HCN1: variants seen among roughly 807,000 people sequenced by gnomAD.
HCN1 encodes the protein potassium/sodium hyperpolarization-activated cyclic nucleotide-gated channel 1.
HCN1 carries 13 observed loss-of-function variants against 78.9 expected under a neutral mutation model. That is an observed-to-expected ratio of 0.16 (90% CI 0.11 to 0.26). The LOEUF is 0.26. Among genes scored for constraint, HCN1 ranks in the 10% least tolerant of loss-of-function variants. The pLI, the probability that HCN1 is intolerant of heterozygous loss-of-function variation, is 1.00. For missense variants in HCN1, 810 were observed against 1,154.3 expected (o/e 0.70, Z 4.32); for synonymous variants, 552 against 455.5 (o/e 1.21, Z -2.70).
At chr5:45,495,876 T>C (rs1278684162) in intron 2 of HCN1, among the ~76,000 whole-genome samples, 1 of 152,250 alleles carries the variant, frequency 6.6e-6, no homozygotes, top group Non-Finnish European at 1.5e-5. Flanking sequence ...TTTTGGTCTT[T>C]GGTTCTGTTT....
At chr5:45,265,530 A>G (rs1177175241) in intron 7 of HCN1, among the ~76,000 whole-genome samples, 3 of 152,224 alleles carry the variant, frequency 2.0e-5, no homozygotes, top group African/African-American at 7.2e-5. Flanking sequence ...ATGTCCAAAT[A>G]CTGCCTTTAC....
intron 2 of HCN1, chr5:45,643,773 A>T (rs1026537916): frequency 9.2e-5 from 14 of 152,300 alleles, no homozygotes; most frequent in African/African-American, 2.4e-4. Context: ...AATCAAACAT[A>T]CTAGCTGACG....
intron 6 of HCN1, among the ~76,000 whole-genome samples, chr5:45,292,777 T>C (rs1409789711): frequency 6.6e-6 from 1 of 151,944 alleles, no homozygotes; most frequent in Non-Finnish European, 1.5e-5. Context: ...TTAAGAGCAG[T>C]GACAAAGAAA....
chr5:45,573,213 C>T (rs373402009), intron 2 of HCN1, among the ~76,000 whole-genome samples: 13 of 152,176 alleles, frequency 8.5e-5, no homozygotes, highest in South Asian at 8.3e-4. Flanking sequence ...TCATTTTCTT[C>T]GAAATCTATT....
chr5:45,383,056 ATAAT>A (rs1253865525), intron 4 of HCN1, among the ~76,000 whole-genome samples: 1 of 152,168 alleles, frequency 6.6e-6, no homozygotes, highest in Admixed American at 6.6e-5. Flanking sequence ...TTGAGTAAAA[ATAAT>A]TAACTACTAT....
intron 6 of HCN1, among the ~76,000 whole-genome samples, chr5:45,296,486 T>C (rs1286305436): frequency 6.6e-6 from 1 of 151,944 alleles, no homozygotes; most frequent in Non-Finnish European, 1.5e-5. Context: ...GAATTTATAC[T>C]ACATAGTATT....
chr5:45,261,689 A>C lies in HCN1; in HGVS notation c.*232T>G, dbSNP rs1744737701. 2.7e-6 allele frequency: 1 copy of C among 366,310 alleles called. No homozygotes were observed. The highest frequency in any genetic ancestry group is 3.9e-5 in the Admixed American group (1 of 25,456). The allele number at this position is 366,310 out of a possible 1,614,324, so 22.7% of individuals were successfully genotyped here. A position where few individuals can be genotyped will look rare whatever the true frequency, so the allele number is the denominator to read the frequency against. ...ATCCTTTAATGATTTAAAGAAAGGA[A>C]GACATATAACACTGAATGCTAAACA... is the stretch of plus-strand genomic sequence containing the variant. On this transcript the variant is annotated 3_prime_UTR_variant, in exon 8 of 8. Transcript: ENST00000303230.
chr5:45,555,474 C>T (rs1211756447), intron 2 of HCN1, among the ~76,000 whole-genome samples: 1 of 151,786 alleles, frequency 6.6e-6, no homozygotes. Flanking sequence ...CTACCCAAAG[C>T]AATCTACAGA....
intron 2 of HCN1, among the ~76,000 whole-genome samples, chr5:45,604,301 C>T (rs578208812): frequency 1.6e-4 from 25 of 151,774 alleles, no homozygotes; most frequent in South Asian, 6.3e-4. Flanking sequence ...AAAGTGATAC[C>T]GCCAGCAAGT....
chr5:45,687,002 T>C (rs1561245302), intron 1 of HCN1, among the ~76,000 whole-genome samples: 1 of 151,970 alleles, frequency 6.6e-6, no homozygotes, highest in East Asian at 1.9e-4. Flanking sequence ...TAGTTAATAC[T>C]AGAGTTCTTA....
chr5:45,558,006 G>C (rs565832896), intron 2 of HCN1: 1 of 152,176 alleles, frequency 6.6e-6, no homozygotes, highest in East Asian at 1.9e-4. Context: ...TAGTGAGGAA[G>C]GCATATTGAA....
chr5:45,396,778 C>T, intron 3 of HCN1, 68 bp from the exon 4 acceptor site: 3 of 1,138,772 alleles, frequency 2.6e-6, no homozygotes, highest in East Asian at 2.4e-5. Flanking sequence ...TGAGTAGGAC[C>T]TGTACACAGA....
chr5:45,396,018 T>C (rs1270353878), intron 4 of HCN1, among the ~76,000 whole-genome samples: 1 of 152,164 alleles, frequency 6.6e-6, no homozygotes, highest in Non-Finnish European at 1.5e-5. Flanking sequence ...TATCTAGATA[T>C]ACAGGTAATA....
At chr5:45,458,461 T>A (rs1019817417) in intron 3 of HCN1, among the ~76,000 whole-genome samples, 1 of 152,088 alleles carries the variant, frequency 6.6e-6, no homozygotes, top group African/African-American at 2.4e-5. Flanking sequence ...GCTCCTTAAT[T>A]TTTTGATTTC....
chr5:45,363,114 T>A (rs895341503), intron 4 of HCN1, among the ~76,000 whole-genome samples: 2 of 140,652 alleles, frequency 1.4e-5, no homozygotes, highest in Non-Finnish European at 3.0e-5. Flanking sequence ...AATATTTACA[T>A]ATTATATATA....
At chr5:45,292,645 A>G (rs889085718) in intron 6 of HCN1, among the ~76,000 whole-genome samples, 1 of 152,028 alleles carries the variant, frequency 6.6e-6, no homozygotes, top group African/African-American at 2.4e-5. Context: ...CCTATCTTCA[A>G]ATAAAGAATG....
chr5:45,543,565 T>C (rs1002997618), intron 2 of HCN1, among the ~76,000 whole-genome samples: 1 of 152,016 alleles, frequency 6.6e-6, no homozygotes, highest in Non-Finnish European at 1.5e-5. Flanking sequence ...AATGAATAAA[T>C]TTGCTGTTTT....
chr5:45,348,872 G>T (rs1746814275), intron 5 of HCN1, among the ~76,000 whole-genome samples: 1 of 152,138 alleles, frequency 6.6e-6, no homozygotes, highest in Non-Finnish European at 1.5e-5. Flanking sequence ...GATTCATAAA[G>T]CAAGTTCTGA....
intron 2 of HCN1, among the ~76,000 whole-genome samples, chr5:45,582,393 T>A (rs377422169): frequency 1.3e-5 from 2 of 152,040 alleles, no homozygotes; most frequent in South Asian, 2.1e-4. Context: ...TTTGCTGAAG[T>A]TGCCTATCAC....
Sources: gnomAD v4.1 joint callset for allele counts (sites outside exome capture counted in the v4.1 genomes callset) on GRCh38, gnomAD v4.1.1 for gene constraint, MANE v1.5 for transcripts, NCBI Gene and HGNC (gene_info 2026-07-23, HGNC 2026-07-21) for gene names.